Variants in RANBP3 observed in about 807,000 individuals in gnomAD.
RANBP3 encodes ran-binding protein 3.
RANBP3 carries 14 observed loss-of-function variants against 77.3 expected under a neutral mutation model. That is an observed-to-expected ratio of 0.18 (90% CI 0.12 to 0.28). The LOEUF (loss-of-function observed/expected upper bound fraction) is 0.28. Ranked by LOEUF, RANBP3 falls within the 10% of genes least tolerant of loss-of-function variation. The probability of loss-of-function intolerance (pLI) is 1.00; values close to 1 mark genes in which losing one functional copy is unlikely to be tolerated. For synonymous variants in RANBP3, 315 were observed against 312.4 expected, an observed-to-expected ratio of 1.01 and a Z score of -0.09; for missense variants, 586 against 752.3, an observed-to-expected ratio of 0.78 and a Z score of 2.59.
intron 3 of RANBP3, among the ~76,000 whole-genome samples, chr19:5,943,667 G>C (rs74174360): frequency 0.027 from 4,128 of 152,240 alleles, 60 homozygotes; most frequent in Non-Finnish European, 0.04. Context: ...GGAAAAGCAA[G>C]CCTGGGCTTC....
chr19:5,932,532 T>C lies in RANBP3; in HGVS notation c.485A>G (p.Gln162Arg). The change falls in exon 7 of 17, where the codon CAG becomes CGG. Residue 162 changes from glutamine (Q) to arginine (R), a missense_variant. By Grantham distance (43) the Gln-to-Arg change is conservative. Around this residue, in one of 5 missense-constraint regions of RANBP3, gnomAD observed 232 missense variants for 271.7 expected, o/e 0.85. Transcript: ENST00000340578. The stretch of plus-strand genomic sequence containing the variant: ...GCTCCGCTGCTGCTCCTTGGGCTTC[T>C]GGCTTGGCAGACCTAGGAACAGAAG... The part of the protein sequence containing the change: ...GQAPSAGLPS[Q>R]KPKEQQRSVL... 6.2e-7 allele frequency: 1 copy of C among 1,613,672 alleles called. No individual in the cohort carries two copies. The highest frequency in any genetic ancestry group is 8.5e-7 in the Non-Finnish European group (1 of 1,180,002).
chr19:5,961,209 C>G (rs1371986186), intron 1 of RANBP3, among the ~76,000 whole-genome samples: 4 of 148,500 alleles, frequency 2.7e-5, no homozygotes, highest in Non-Finnish European at 6.1e-5. Flanking sequence ...TTTGGGAGGC[C>G]GAGGTGGGGG....
chr19:5,951,400 A>G lies in RANBP3; in HGVS notation c.275T>C (p.Leu92Pro). The G allele has an allele frequency of 6.4e-7, 1 of 1,556,536 alleles. No homozygotes were observed. The highest frequency in any genetic ancestry group is 2.4e-5 in the East Asian group (1 of 41,440). ...GGGTAGGTGTGGACTTACCCCTGCCAGTTCTCGCGGAAAAGGAGGAAGCTG... is the reference window on the plus strand; with the variant it reads ...GGGTAGGTGTGGACTTACCCCTGCCGGTTCTCGCGGAAAAGGAGGAAGCTG... ...EAQLPPFPRE[L>P]AGRSAGGSSP... is the part of the protein sequence containing the mutation. Residue 92 changes from leucine to proline, a missense_variant, in exon 3 of 17, where the codon CTG becomes CCG. This residue lies in a region of RANBP3 where 172 missense variants were observed against 183.4 expected (regional missense o/e 0.94). Transcript: ENST00000340578.
At chr19:5,957,608 T>C (rs1189095974) in intron 2 of RANBP3, among the ~76,000 whole-genome samples, 1 of 150,582 alleles carries the variant, frequency 6.6e-6, no homozygotes, top group East Asian at 2.0e-4. Flanking sequence ...GCTGTTGGTT[T>C]TCCTAAGGTA....
At chr19:5,917,732 C>A in intron 16 of RANBP3, 62 bp downstream of exon 16, 1 of 1,588,468 alleles carries the variant, frequency 6.3e-7, no homozygotes, top group South Asian at 1.1e-5. Flanking sequence ...GAGATCAGCA[C>A]TGGATCAAGG....
chr19:5,924,447 C>T lies in RANBP3; in HGVS notation c.996+380G>A, dbSNP rs1438042294. ...TTGGCCGCGGTTATGCTCACAGGAG[C>T]AGGGAGGCCAGCAACCCTGTCCACC... is the stretch of plus-strand genomic sequence containing the variant. On this transcript the variant is annotated intron_variant, in intron 11 of 16. Coordinates refer to ENST00000340578, the MANE Select transcript of RANBP3 (RefSeq NM_007322.3). The surrounding 1 kb of genome is among the most constrained non-coding windows in gnomAD (Gnocchi z 4.7). Among the ~76,000 whole-genome samples, 1 of 152,264 alleles carries T rather than the reference C, an allele frequency of 6.6e-6. No individual in the cohort carries two copies. Among genetic ancestry groups the T allele is most frequent in the Non-Finnish European group, 1.5e-5 (1 of 68,048 alleles).
chr19:5,964,529 T>A (rs1396859222), intron 1 of RANBP3, among the ~76,000 whole-genome samples: 2 of 151,972 alleles, frequency 1.3e-5, no homozygotes, highest in African/African-American at 4.8e-5. Flanking sequence ...AGAGCACCCA[T>A]CACACCTTAT....
chr19:5,922,884 G>A (rs1052826596), intron 13 of RANBP3, among the ~76,000 whole-genome samples: 1 of 152,226 alleles, frequency 6.6e-6, no homozygotes, highest in African/African-American at 2.4e-5. Context: ...AGGTTGCAGT[G>A]AGCCGAGACT....
At chr19:5,968,299 T>C (rs917763993) in intron 1 of RANBP3, among the ~76,000 whole-genome samples, 1 of 152,218 alleles carries the variant, frequency 6.6e-6, no homozygotes, top group Non-Finnish European at 1.5e-5. Context: ...GGTCTTTGTG[T>C]GTGTTCAAAC....
intron 5 of RANBP3, among the ~76,000 whole-genome samples, chr19:5,938,959 TG>T (rs2058099587): frequency 6.6e-6 from 1 of 151,288 alleles, no homozygotes; most frequent in Non-Finnish European, 1.5e-5. Context: ...CCGAGACAGG[TG>T]CATCACCTGA....
At chr19:5,957,637 A>G (rs2145210276) in intron 2 of RANBP3, among the ~76,000 whole-genome samples, 1 of 151,438 alleles carries the variant, frequency 6.6e-6, no homozygotes, top group South Asian at 2.1e-4. Context: ...TTTCTCAAAC[A>G]AATCATCAGG....
chr19:5,937,699 C>T (rs965977858), intron 5 of RANBP3, among the ~76,000 whole-genome samples: 2 of 152,218 alleles, frequency 1.3e-5, no homozygotes, highest in African/African-American at 2.4e-5. Flanking sequence ...GCTGATATGA[C>T]TGCCTTTTCA....
chr19:5,939,899 G>A (rs972058103), intron 5 of RANBP3, among the ~76,000 whole-genome samples: 5 of 152,226 alleles, frequency 3.3e-5, no homozygotes, highest in Non-Finnish European at 4.4e-5. Context: ...GATATCAGAT[G>A]CTCCAGGCCA....
chr19:5,923,386 G>T, intron 12 of RANBP3, 83 bp from the exon 13 acceptor site: 2 of 1,396,732 alleles, frequency 1.4e-6, no homozygotes, highest in Non-Finnish European at 2.0e-6. Context: ...GAGATGAGAG[G>T]GTTGGTTCTG....
At position 5,921,116 on chromosome 19, in the gene RANBP3, C is replaced by A; in HGVS notation, c.1330+85G>T. On this transcript the variant is annotated intron_variant, in intron 14 of 16. Coordinates refer to ENST00000340578, the MANE Select transcript of RANBP3 (RefSeq NM_007322.3). The surrounding 1 kb of genome is among the most constrained non-coding windows in gnomAD (Gnocchi z 5.3). ...TCTCACAAGGGTAGGGTCAGGATCT[C>A]CCCCGCTTCATTCCCTTTGGAATTG... 1 of 1,489,550 alleles carries A rather than the reference C, an allele frequency of 6.7e-7. No homozygotes were observed. The highest frequency in any genetic ancestry group is 9.0e-7 in the Non-Finnish European group (1 of 1,106,202). The allele number at this position is 1,489,550 out of a possible 1,614,324, so 92.3% of individuals were successfully genotyped here. A position where few individuals can be genotyped will look rare whatever the true frequency, so the allele number is the denominator to read the frequency against.
rs552617180 is a variant in RANBP3, at chr19:5,921,491, A to G, written c.1210-170T>C. Among the ~76,000 whole-genome samples, 1 of 152,124 alleles carries G rather than the reference A, an allele frequency of 6.6e-6. No individual in the cohort carries two copies. The highest frequency in any genetic ancestry group is 1.5e-5 in the Non-Finnish European group (1 of 68,018). On this transcript the variant is annotated intron_variant, in intron 13 of 16. Coordinates refer to ENST00000340578, the MANE Select transcript of RANBP3 (RefSeq NM_007322.3). The surrounding 1 kb of genome is among the most constrained non-coding windows in gnomAD (Gnocchi z 5.3). ...GCCCTCAAGCTAGAACAGGCTTTACATTGTATAAGGGGTATCTGAAATTAA... is the reference window on the plus strand; with the variant it reads ...GCCCTCAAGCTAGAACAGGCTTTACGTTGTATAAGGGGTATCTGAAATTAA...
chr19:5,957,292 A>G (rs1416330247), intron 2 of RANBP3, among the ~76,000 whole-genome samples: 1 of 152,194 alleles, frequency 6.6e-6, no homozygotes, highest in African/African-American at 2.4e-5. Flanking sequence ...TGCCACACCA[A>G]TCAGACCTTC....
chr19:5,919,120 G>A (rs372162515), intron 14 of RANBP3, among the ~76,000 whole-genome samples: 2 of 152,232 alleles, frequency 1.3e-5, no homozygotes, highest in East Asian at 3.8e-4. Context: ...CCCTGAGTGG[G>A]CCAGCCCTGC....
chr19:5,955,120 T>A (rs754950745), intron 2 of RANBP3, among the ~76,000 whole-genome samples: 116 of 152,378 alleles, frequency 7.6e-4, no homozygotes, highest in Non-Finnish European at 1.1e-3. Context: ...CTTGGCATTT[T>A]ATTTTTAATT....
Sources: gnomAD v4.1 joint callset for allele counts (sites outside exome capture counted in the v4.1 genomes callset) on GRCh38, gnomAD v4.1.1 for gene constraint, gnomAD v4.1.1 regional missense constraint, Gnocchi (gnomAD v3.1) non-coding constraint, MANE v1.5 for transcripts, NCBI Gene and HGNC (gene_info 2026-07-23, HGNC 2026-07-21) for gene names.